Variants in SDK1 observed in about 807,000 individuals in gnomAD.
SDK1 encodes the protein sidekick cell adhesion molecule 1.
Under a neutral mutation model 245.5 loss-of-function variants are expected in SDK1, and 157 were observed. The observed-to-expected ratio is 0.64, with a 90% CI of 0.56 to 0.73. The LOEUF (loss-of-function observed/expected upper bound fraction) is 0.73. SDK1 is among the 30% of genes least tolerant of loss of function. SDK1 has a pLI of 0.00. For synonymous variants in SDK1, 1,647 were observed against 1,278.5 expected, an observed-to-expected ratio of 1.29 and a Z score of -6.15; for missense variants, 3,583 against 3,002.3, an observed-to-expected ratio of 1.19 and a Z score of -4.52.
chr7:3,614,562 T>A (rs928173591), intron 1 of SDK1, among the ~76,000 whole-genome samples: 3 of 152,260 alleles, frequency 2.0e-5, no homozygotes, highest in African/African-American at 7.2e-5. Flanking sequence ...CAAATGCTTT[T>A]GCAGGGCATC....
In SDK1 at chr7:3,339,574, C is replaced by T. The variant is rs560656813; in HGVS notation, c.298+37690C>T. Among the ~76,000 whole-genome samples the T allele has an allele frequency of 1.3e-5, 2 of 152,016 alleles. 1 individual carries two copies. On this transcript the variant is annotated intron_variant, in intron 1 of 44. Transcript: ENST00000404826. The stretch of plus-strand genomic sequence containing the variant: ...GGATTGAAATCCTACAGAATTTGTT[C>T]TGTGGCAATAATGGAATCAAACTAA...
intron 4 of SDK1, among the ~76,000 whole-genome samples, chr7:3,817,543 A>G (rs981521114): frequency 6.6e-6 from 1 of 152,196 alleles, no homozygotes; most frequent in African/African-American, 2.4e-5. Context: ...GTTTTCACCA[A>G]CCATAAATCC....
intron 1 of SDK1, among the ~76,000 whole-genome samples, chr7:3,324,547 T>C (rs529178216): frequency 6.6e-6 from 1 of 152,278 alleles, no homozygotes; most frequent in African/African-American, 2.4e-5. Context: ...TGGGACCTAG[T>C]GATCAAAGAT....
At chr7:3,395,639 G>T (rs1055226367) in intron 1 of SDK1, among the ~76,000 whole-genome samples, 2 of 151,838 alleles carry the variant, frequency 1.3e-5, no homozygotes, top group African/African-American at 4.8e-5. Flanking sequence ...TTCTTTGTGG[G>T]AACATATTTT....
chr7:4,218,781 C>T (rs994625751), intron 38 of SDK1, among the ~76,000 whole-genome samples: 3 of 152,132 alleles, frequency 2.0e-5, no homozygotes, highest in Admixed American at 2.0e-4. Context: ...CTCTGCCAAT[C>T]GGTCCATCCT....
At chr7:4,113,495 C>T in intron 24 of SDK1, 56 bp downstream of exon 24, 5 of 1,584,390 alleles carry the variant, frequency 3.2e-6, no homozygotes, top group Non-Finnish European at 4.3e-6. Flanking sequence ...TGAGCCAGGG[C>T]ACACACTAAT....
At chr7:4,080,491 G>C (rs1263820124) in intron 22 of SDK1, among the ~76,000 whole-genome samples, 1 of 152,226 alleles carries the variant, frequency 6.6e-6, no homozygotes, top group East Asian at 1.9e-4. Context: ...ACTGCAAGAC[G>C]ATCCACTCCT....
chr7:3,919,209 G>A (rs1382849572), intron 5 of SDK1, among the ~76,000 whole-genome samples: 1 of 152,168 alleles, frequency 6.6e-6, no homozygotes, highest in Non-Finnish European at 1.5e-5. Context: ...AATATTCCAT[G>A]AGCCCGGCTT....
At chr7:3,849,483 C>G (rs1373636800) in intron 5 of SDK1, among the ~76,000 whole-genome samples, 1 of 152,120 alleles carries the variant, frequency 6.6e-6, no homozygotes, top group African/African-American at 2.4e-5. Context: ...ATTTATTAGT[C>G]TTTAGGAAGG....
intron 1 of SDK1, among the ~76,000 whole-genome samples, chr7:3,528,579 A>C (rs1297458009): frequency 6.6e-6 from 1 of 152,150 alleles, no homozygotes; most frequent in Non-Finnish European, 1.5e-5. Flanking sequence ...AATCAACCAT[A>C]GGATTGCAAG....
intron 14 of SDK1, among the ~76,000 whole-genome samples, chr7:4,000,863 G>A (rs529933793): frequency 2.0e-5 from 3 of 152,062 alleles, no homozygotes; most frequent in African/African-American, 4.8e-5. Context: ...GCATTTGTCC[G>A]CATTTTAATA....
chr7:4,186,181 C>T (rs771841568), intron 35 of SDK1, among the ~76,000 whole-genome samples: 4 of 152,226 alleles, frequency 2.6e-5, no homozygotes, highest in Non-Finnish European at 4.4e-5. Flanking sequence ...TATGAATCCA[C>T]GCTGACCGAA....
rs761870712 is a variant in SDK1 at position 4,049,371 on chromosome 7, G to C, written c.2626G>C (p.Val876Leu). The C allele has an allele frequency of 6.2e-7, 1 of 1,614,084 alleles. No individual in the cohort carries two copies. The highest frequency in any genetic ancestry group is 8.5e-7 in the Non-Finnish European group (1 of 1,179,998). ...QGVPTAPPQN[V>L]QTEAVNSTTI... ...AGTGCCCACCGCGCCCCCGCAGAAC[G>C]TGCAGACGGAAGCCGTGAACTCCAC... is the stretch of plus-strand genomic sequence containing the variant. The change falls in exon 18 of 45, where the codon GTG (valine) becomes CTG (leucine). Residue 876 changes from valine (V) to leucine (L), a missense_variant. By Grantham distance (32) the Val-to-Leu change is conservative. Coordinates refer to ENST00000404826, the MANE Select transcript of SDK1 (RefSeq NM_152744.4).
chr7:3,816,614 A>G (rs916660981), intron 4 of SDK1, among the ~76,000 whole-genome samples: 2 of 152,088 alleles, frequency 1.3e-5, no homozygotes, highest in Non-Finnish European at 2.9e-5. Flanking sequence ...ATAGTTTACC[A>G]ACCAAAAAGA....
chr7:3,669,301 A>G (rs1168437342), intron 4 of SDK1, among the ~76,000 whole-genome samples: 2 of 152,228 alleles, frequency 1.3e-5, no homozygotes, highest in Non-Finnish European at 2.9e-5. Context: ...AAACAGATAC[A>G]GAAACAGATT....
In SDK1 at chr7:4,240,595, C is replaced by T. The variant is rs528190411; in HGVS notation, c.6131-1198C>T. ...GGGCCAGGTCCCAGCAGAGAGGAGCCTCTTGGGGTTTAGAAATGCCAACGC... is the reference window on the plus strand; with the variant it reads ...GGGCCAGGTCCCAGCAGAGAGGAGCTTCTTGGGGTTTAGAAATGCCAACGC... On this transcript the variant is annotated intron_variant, in intron 42 of 44. Transcript: ENST00000404826. Among the ~76,000 whole-genome samples, 60 of 152,264 alleles carry T rather than the reference C, an allele frequency of 3.9e-4. 1 individual carries two copies. The highest frequency in any genetic ancestry group is 1.3e-3 in the African/African-American group (56 of 41,558).
chr7:3,367,981 T>A (rs564575130), intron 1 of SDK1, among the ~76,000 whole-genome samples: 2 of 152,350 alleles, frequency 1.3e-5, no homozygotes, highest in Admixed American at 1.3e-4. Context: ...CCTGTAAGGA[T>A]GAACATTGCA....
chr7:3,301,756 C>A lies in SDK1; in HGVS notation c.170C>A (p.Thr57Asn). 3.0e-6 allele frequency: 3 copies of A among 984,086 alleles called. No homozygotes were observed. The highest frequency in any genetic ancestry group is 3.6e-6 in the Non-Finnish European group (3 of 830,710). The allele number at this position is 984,086 out of a possible 1,614,324, so 61.0% of individuals were successfully genotyped here. Residue 57 changes from threonine to asparagine, a missense_variant, in exon 1 of 45, where the codon ACC becomes AAC. Physicochemically the swap from Thr to Asn is moderately conservative, Grantham distance 65. Coordinates refer to ENST00000404826, the MANE Select transcript of SDK1 (RefSeq NM_152744.4). ...EPSRPRAAPETSGGDTAGAGR... is the reference protein window; with the variant it reads ...EPSRPRAAPENSGGDTAGAGR... ...TCGCGACCCCGGGCGGCGCCCGAGA[C>A]CTCCGGCGGGGACACGGCGGGCGCG...
intron 14 of SDK1, among the ~76,000 whole-genome samples, chr7:4,009,899 C>G (rs1250442752): frequency 6.6e-6 from 1 of 152,176 alleles, no homozygotes; most frequent in Non-Finnish European, 1.5e-5. Context: ...CGCAGACTTA[C>G]GAATCCCCGC....
Sources: allele counts gnomAD v4.1 joint callset (sites outside exome capture counted in the v4.1 genomes callset), GRCh38; gene constraint gnomAD v4.1.1; transcripts MANE v1.5; gene names NCBI Gene and HGNC (gene_info 2026-07-23, HGNC 2026-07-21).